The following TP53BP2 variants were observed in gnomAD, a reference collection of about 807,000 sequenced individuals.
The protein encoded by TP53BP2 is apoptosis-stimulating of p53 protein 2.
In TP53BP2, 62 loss-of-function variants were observed where a neutral mutation model predicts 126.2. The observed-to-expected ratio is 0.49, with a 90% CI of 0.40 to 0.61. The LOEUF is 0.61. Among genes scored for constraint, TP53BP2 ranks in the 20% least tolerant of loss-of-function variants. The probability of loss-of-function intolerance (pLI) is 0.00; values close to 1 mark genes in which losing one functional copy is unlikely to be tolerated. For missense variants in TP53BP2, 1,215 were observed against 1,402.8 expected (o/e 0.87, Z 2.14); for synonymous variants, 485 against 502.9 (o/e 0.96, Z 0.48).
At chr1:223,819,370 G>C (rs919794708) in intron 2 of TP53BP2, among the ~76,000 whole-genome samples, 2 of 151,846 alleles carry the variant, frequency 1.3e-5, no homozygotes, top group African/African-American at 2.4e-5. Context: ...GAGACACACA[G>C]AGAGAATCTG....
At chr1:223,821,592 G>A in intron 1 of TP53BP2, 2 of 697,346 alleles carry the variant, frequency 2.9e-6, no homozygotes, top group Admixed American at 1.9e-5. Context: ...GGTGACCCTA[G>A]AATACAGTCA....
chr1:223,788,177 T>C (rs1571837540), intron 16 of TP53BP2, among the ~76,000 whole-genome samples: 1 of 152,102 alleles, frequency 6.6e-6, no homozygotes, highest in South Asian at 2.1e-4. Flanking sequence ...TCTTCATACC[T>C]AGGGCCTGAA....
At chr1:223,817,470 T>C (rs1453704841) in intron 2 of TP53BP2, among the ~76,000 whole-genome samples, 1 of 152,130 alleles carries the variant, frequency 6.6e-6, no homozygotes, top group Non-Finnish European at 1.5e-5. Flanking sequence ...AAGAATTCCA[T>C]TTTTGGCATC....
chr1:223,832,903 C>T (rs961610765), intron 1 of TP53BP2, among the ~76,000 whole-genome samples: 4 of 152,188 alleles, frequency 2.6e-5, no homozygotes, highest in South Asian at 2.1e-4. Context: ...TGTCCTTCCT[C>T]GTCTCCCCAA....
chr1:223,801,488 A>G (rs1662526059), intron 9 of TP53BP2, among the ~76,000 whole-genome samples: 1 of 152,204 alleles, frequency 6.6e-6, no homozygotes, highest in Non-Finnish European at 1.5e-5. Context: ...TAAGGTCATT[A>G]AAGGATGCTT....
At chr1:223,799,276 A>C (rs1662449098) in intron 11 of TP53BP2, among the ~76,000 whole-genome samples, 1 of 152,100 alleles carries the variant, frequency 6.6e-6, no homozygotes, top group African/African-American at 2.4e-5. Flanking sequence ...GCTGTTAACT[A>C]GTTTTAAATT....
chr1:223,818,037 A>G (rs1663153805), intron 2 of TP53BP2, among the ~76,000 whole-genome samples: 1 of 152,202 alleles, frequency 6.6e-6, no homozygotes. Context: ...TATGTATGCT[A>G]CTGTTTACAT....
intron 1 of TP53BP2, among the ~76,000 whole-genome samples, chr1:223,841,987 C>A (rs191478599): frequency 2.6e-5 from 4 of 151,552 alleles, no homozygotes; most frequent in African/African-American, 7.3e-5. Flanking sequence ...ACCTCCGCCT[C>A]AAGGGTTCAA....
intron 15 of TP53BP2, among the ~76,000 whole-genome samples, chr1:223,791,850 TTTA>T (rs967226565): frequency 1.3e-5 from 2 of 152,164 alleles, no homozygotes; most frequent in Non-Finnish European, 2.9e-5. Flanking sequence ...TATTAGGACC[TTTA>T]TTATTATTAT....
At chr1:223,839,729 A>C (rs531004751) in intron 1 of TP53BP2, among the ~76,000 whole-genome samples, 12 of 152,334 alleles carry the variant, frequency 7.9e-5, no homozygotes, top group Admixed American at 2.6e-4. Flanking sequence ...CAGGAGCTCG[A>C]GACCAGCCTG....
intron 1 of TP53BP2, among the ~76,000 whole-genome samples, chr1:223,829,306 CA>C (rs748415253): frequency 2.6e-5 from 4 of 151,936 alleles, no homozygotes; most frequent in Non-Finnish European, 4.4e-5. Context: ...GACCCTGTCT[CA>C]AAAGCTATAT....
chr1:223,821,355 C>G lies in TP53BP2; in HGVS notation c.40G>C (p.Val14Leu). The change falls in exon 2 of 18, where the codon GTG becomes CTG. Residue 14 changes from valine to leucine, a missense_variant. Coordinates refer to ENST00000343537, the MANE Select transcript of TP53BP2 (RefSeq NM_001031685.3). ...TGCTGCTCATTGTTACTGAGATACA[C>G]GGTAAGAAACATCTAAAAATTAAGA... ...GSKMMPMFLT[V>L]YLSNNEQHFT... 1 of 1,613,986 alleles carries G rather than the reference C, an allele frequency of 6.2e-7. No individual in the cohort carries two copies. Among genetic ancestry groups the G allele is most frequent in the Non-Finnish European group, 8.5e-7 (1 of 1,179,858 alleles).
intron 1 of TP53BP2, among the ~76,000 whole-genome samples, chr1:223,839,865 G>A (rs1049696693): frequency 1.3e-5 from 2 of 152,150 alleles, no homozygotes; most frequent in Non-Finnish European, 2.9e-5. Flanking sequence ...AGCCCAGGAG[G>A]CAGAGGTTGC....
chr1:223,828,160 G>A (rs1171063288), intron 1 of TP53BP2, among the ~76,000 whole-genome samples: 4 of 152,070 alleles, frequency 2.6e-5, no homozygotes, highest in Non-Finnish European at 5.9e-5. Context: ...GAAGTTTCCT[G>A]CATCTGATAC....
At chr1:223,783,407 A>G (rs549402560) in intron 17 of TP53BP2, among the ~76,000 whole-genome samples, 3 of 152,146 alleles carry the variant, frequency 2.0e-5, no homozygotes, top group Non-Finnish European at 4.4e-5. Context: ...CTTCCTCACC[A>G]ACAGCAGATT....
Position 223,845,928 on chromosome 1 carries a change from C to A in TP53BP2, c.-248G>T. 4.1e-6 allele frequency: 1 copy of A among 246,436 alleles called. No homozygotes were observed. Among genetic ancestry groups the A allele is most frequent in the Non-Finnish European group, 7.7e-6 (1 of 130,378 alleles). The allele number at this position is 246,436 out of a possible 1,614,324, so 15.3% of individuals were successfully genotyped here. A position where few individuals can be genotyped will look rare whatever the true frequency, so the allele number is the denominator to read the frequency against. ...TTCGACGCTCGTGACGGTCGGGGCT[C>A]CCTCCTCCGCTCCGAAACCAACTAA... is the stretch of plus-strand genomic sequence containing the variant. On this transcript the variant is annotated 5_prime_UTR_variant, in exon 1 of 18. Coordinates refer to ENST00000343537, the MANE Select transcript of TP53BP2 (RefSeq NM_001031685.3).
chr1:223,783,185 C>T (rs1013653552), intron 17 of TP53BP2, among the ~76,000 whole-genome samples: 3 of 152,224 alleles, frequency 2.0e-5, no homozygotes, highest in Non-Finnish European at 4.4e-5. Flanking sequence ...AATACATCTA[C>T]CATTTGCTCT....
intron 1 of TP53BP2, among the ~76,000 whole-genome samples, chr1:223,822,198 G>C (rs912877587): frequency 5.3e-5 from 8 of 151,076 alleles, no homozygotes; most frequent in African/African-American, 2.0e-4. Flanking sequence ...ACAGGCGTGA[G>C]CCACTGCGCC....
intron 1 of TP53BP2, among the ~76,000 whole-genome samples, chr1:223,839,244 A>C (rs920283689): frequency 4.6e-5 from 7 of 152,224 alleles, no homozygotes; most frequent in African/African-American, 1.7e-4. Context: ...CAAATTACTT[A>C]AGCCCTTTGA....
Sources: gnomAD v4.1 joint callset for allele counts (sites outside exome capture counted in the v4.1 genomes callset) on GRCh38, gnomAD v4.1.1 for gene constraint, MANE v1.5 for transcripts, NCBI Gene and HGNC (gene_info 2026-07-23, HGNC 2026-07-21) for gene names.